NR6A1: variants seen among roughly 807,000 people sequenced by gnomAD.
NR6A1 encodes nuclear receptor subfamily 6 group A member 1, also known as retinoic acid receptor-related testis-associated receptor.
In NR6A1, 7 loss-of-function variants were observed where a neutral mutation model predicts 59.1. That is an observed-to-expected ratio of 0.12 (90% CI 0.07 to 0.22). The LOEUF is 0.22. NR6A1 is among the 10% of genes least tolerant of loss of function. NR6A1 has a pLI of 1.00. For missense variants in NR6A1, 468 were observed against 611.6 expected, an observed-to-expected ratio of 0.77 and a Z score of 2.48; for synonymous variants, 243 against 236.1, an observed-to-expected ratio of 1.03 and a Z score of -0.27.
intron 2 of NR6A1, among the ~76,000 whole-genome samples, chr9:124,731,122 AGCAC>A (rs1839871999): frequency 6.6e-6 from 1 of 152,158 alleles, no homozygotes; most frequent in African/African-American, 2.4e-5. Context: ...CTGTAATCCT[AGCAC>A]TTTGGGAGGC....
chr9:124,635,755 T>C (rs1369348585), intron 2 of NR6A1, among the ~76,000 whole-genome samples: 1 of 152,242 alleles, frequency 6.6e-6, no homozygotes, highest in Non-Finnish European at 1.5e-5. Flanking sequence ...GCCACTGTTA[T>C]CTACTCTCCT....
chr9:124,623,551 G>T (rs1294926587), intron 2 of NR6A1, among the ~76,000 whole-genome samples: 3 of 150,442 alleles, frequency 2.0e-5, no homozygotes, highest in African/African-American at 7.3e-5. Context: ...TTTAAGAGAT[G>T]GGGTCTCACT....
chr9:124,732,452 A>C (rs1304318622), intron 2 of NR6A1, among the ~76,000 whole-genome samples: 6 of 152,222 alleles, frequency 3.9e-5, no homozygotes, highest in Non-Finnish European at 7.3e-5. Flanking sequence ...TGGAAATGCA[A>C]ATGATTATCT....
At position 124,622,270 on chromosome 9, in the gene NR6A1, C is replaced by T. The variant is rs568269099; in HGVS notation, c.143-67700G>A. 2.8e-4 allele frequency among the ~76,000 whole-genome samples: 43 copies of T among 152,326 alleles called. No homozygotes were observed. In the South Asian group the frequency reaches 8.7e-3, roughly 31 times the overall value. On this transcript the variant is annotated intron_variant, in intron 2 of 9. Transcript: ENST00000487099. ...CACGCTCTTCTCCAGTTTACACTGA[C>T]TAGGGTTTACAGAACTGCAACAAGA...
intron 2 of NR6A1, among the ~76,000 whole-genome samples, chr9:124,582,740 T>G (rs1834810882): frequency 6.6e-6 from 1 of 151,966 alleles, no homozygotes; most frequent in African/African-American, 2.4e-5. Context: ...GAAAACAAAT[T>G]AGCTGGGCAT....
At position 124,589,729 on chromosome 9, in the gene NR6A1, T is replaced by C. The variant is rs867664292; in HGVS notation, c.143-35159A>G. Among the ~76,000 whole-genome samples, 14 of 152,310 alleles carry C rather than the reference T, an allele frequency of 9.2e-5. 1 individual carries two copies. Among genetic ancestry groups the C allele is most frequent in the Middle Eastern group, 3.4e-3 (1 of 294 alleles). On this transcript the variant is annotated intron_variant, in intron 2 of 9. Coordinates refer to ENST00000487099, the MANE Select transcript of NR6A1 (RefSeq NM_033334.4). Reference sequence around the variant, plus strand: ...TTATTTAATATACCATAAATAAATATATCTGATACTTAATAAGTTATCCAT... The same window carrying C: ...TTATTTAATATACCATAAATAAATACATCTGATACTTAATAAGTTATCCAT...
At chr9:124,764,325 C>T (rs190653797) in intron 1 of NR6A1, among the ~76,000 whole-genome samples, 16 of 152,276 alleles carry the variant, frequency 1.1e-4, no homozygotes, top group African/African-American at 3.9e-4. Context: ...AAGGAAACAT[C>T]ATAGATAAAA....
At chr9:124,645,905 T>C (rs78186364) in intron 2 of NR6A1, among the ~76,000 whole-genome samples, 1,713 of 152,232 alleles carry the variant, frequency 0.011, 30 homozygotes, top group African/African-American at 0.039. Context: ...TTTAGAATAA[T>C]AGAAATCGTA....
At chr9:124,544,389 T>TA (rs1260448099) in intron 3 of NR6A1, among the ~76,000 whole-genome samples, 4 of 152,202 alleles carry the variant, frequency 2.6e-5, no homozygotes, top group Non-Finnish European at 1.5e-5. Flanking sequence ...ATTTACTAAG[T>TA]ATAAAAAGCA....
At chr9:124,568,981 C>T (rs1428676182) in intron 2 of NR6A1, among the ~76,000 whole-genome samples, 1 of 151,672 alleles carries the variant, frequency 6.6e-6, no homozygotes, top group African/African-American at 2.4e-5. Context: ...GGCATGGTGG[C>T]GGGCGCCTGT....
intron 1 of NR6A1, among the ~76,000 whole-genome samples, chr9:124,742,526 C>T (rs1036839250): frequency 1.3e-5 from 2 of 151,780 alleles, no homozygotes; most frequent in African/African-American, 4.8e-5. Flanking sequence ...CACCACTGCA[C>T]TCCAGCCTGG....
At chr9:124,632,718 A>G (rs1215548709) in intron 2 of NR6A1, among the ~76,000 whole-genome samples, 2 of 152,342 alleles carry the variant, frequency 1.3e-5, no homozygotes, top group Admixed American at 6.5e-5. Flanking sequence ...TATTGGTTCA[A>G]TACAACCCCA....
At chr9:124,697,907 C>T (rs1838820078) in intron 2 of NR6A1, among the ~76,000 whole-genome samples, 1 of 152,126 alleles carries the variant, frequency 6.6e-6, no homozygotes, top group African/African-American at 2.4e-5. Flanking sequence ...CACAGGGCTG[C>T]TTGAAGATTA....
intron 2 of NR6A1, among the ~76,000 whole-genome samples, chr9:124,703,166 A>C (rs1028429156): frequency 6.6e-6 from 1 of 151,030 alleles, no homozygotes; most frequent in Non-Finnish European, 1.5e-5. Flanking sequence ...CAGCCTCCCA[A>C]AGTGCTGAGA....
intron 1 of NR6A1, among the ~76,000 whole-genome samples, chr9:124,741,996 A>T (rs924645001): frequency 6.6e-6 from 1 of 152,206 alleles, no homozygotes; most frequent in Admixed American, 6.5e-5. Context: ...TTTGAGAAAC[A>T]TATTTAGAGG....
rs541900273 is a variant in NR6A1, at chr9:124,527,033, G to T, written c.1080-133C>A. 3.8e-5 allele frequency: 40 copies of T among 1,061,980 alleles called. No homozygotes were observed. The African/African-American group carries it at 5.0e-4, about 13-fold the overall frequency. The allele number at this position is 1,061,980 out of a possible 1,614,324, so 65.8% of individuals were successfully genotyped here. A position where few individuals can be genotyped will look rare whatever the true frequency, so the allele number is the denominator to read the frequency against. The stretch of plus-strand genomic sequence containing the variant: ...AATGGGATCCAAAGCCACTTGGGAA[G>T]TACAGGCAGATCCATGCTTTGTCTA... On this transcript the variant is annotated intron_variant, in intron 7 of 9. Transcript: ENST00000487099.
At chr9:124,528,968 G>A (rs1833020794) in intron 7 of NR6A1, among the ~76,000 whole-genome samples, 3 of 152,138 alleles carry the variant, frequency 2.0e-5, no homozygotes, top group Admixed American at 2.0e-4. Flanking sequence ...CATCCATGGG[G>A]GTCCTGGAAG....
intron 4 of NR6A1, among the ~76,000 whole-genome samples, chr9:124,541,004 G>T (rs982985992): frequency 1.3e-5 from 2 of 151,846 alleles, no homozygotes; most frequent in Admixed American, 6.6e-5. Context: ...ATATTTAAAT[G>T]TAAGACCTAA....
intron 2 of NR6A1, among the ~76,000 whole-genome samples, chr9:124,684,083 T>C (rs1190817724): frequency 6.6e-6 from 1 of 152,072 alleles, no homozygotes; most frequent in African/African-American, 2.4e-5. Flanking sequence ...AGTATCGCCA[T>C]ACAAATTTAG....
Sources: gnomAD v4.1 joint callset for allele counts (sites outside exome capture counted in the v4.1 genomes callset) on GRCh38, gnomAD v4.1.1 for gene constraint, MANE v1.5 for transcripts, NCBI Gene and HGNC (gene_info 2026-07-23, HGNC 2026-07-21) for gene names.